Variants in ANK3 observed in about 807,000 individuals in gnomAD.
The protein encoded by ANK3 is ankyrin-3.
ANK3 carries 57 observed loss-of-function variants against 370.9 expected under a neutral mutation model. The ratio of observed to expected loss-of-function variants is 0.15; its 90% CI spans 0.12 to 0.19. The LOEUF is 0.19. Ranked by LOEUF, ANK3 falls within the 10% of genes least tolerant of loss-of-function variation. ANK3 has a pLI of 1.00. For missense variants in ANK3, 4,439 were observed against 5,302.1 expected, an observed-to-expected ratio of 0.84 and a Z score of 5.06; for synonymous variants, 1,929 against 1,946.3, an observed-to-expected ratio of 0.99 and a Z score of 0.23.
chr10:60,454,780 G>A (rs2064704527), intron 2 of ANK3, among the ~76,000 whole-genome samples: 1 of 152,112 alleles, frequency 6.6e-6, no homozygotes, highest in Non-Finnish European at 1.5e-5. Flanking sequence ...GGCTTGAAGC[G>A]CTAATTGAAT....
chr10:60,118,370 C>T (rs2093251156), intron 25 of ANK3, among the ~76,000 whole-genome samples: 1 of 152,146 alleles, frequency 6.6e-6, no homozygotes, highest in South Asian at 2.1e-4. Flanking sequence ...AAAATGCAAA[C>T]ATGAATGAGG....
chr10:60,106,205 C>T (rs2092144067), intron 27 of ANK3, 146 bp from the exon 28 acceptor site: 4 of 718,252 alleles, frequency 5.6e-6, no homozygotes, highest in Non-Finnish European at 8.6e-6. Context: ...GAATCATTTG[C>T]TAATTAAAGA....
In ANK3 at chr10:60,477,018, T is replaced by C. The variant is rs554342338; in HGVS notation, c.96+138168A>G. On this transcript the variant is annotated intron_variant, in intron 2 of 43. Coordinates refer to the ANK3 transcript ENST00000373827. Reference sequence around the variant, plus strand: ...GGAAAGAAAGCCTGCAAAAAAATCTTCTAGAACACCCACCAAAAAAGGTCA... The same window carrying C: ...GGAAAGAAAGCCTGCAAAAAAATCTCCTAGAACACCCACCAAAAAAGGTCA... Among the ~76,000 whole-genome samples, 63 of 152,236 alleles carry C rather than the reference T, an allele frequency of 4.1e-4. No homozygotes were observed. The Middle Eastern group carries it at 0.017, about 41-fold the overall frequency.
At chr10:60,281,367 T>C (rs968117494) in intron 1 of ANK3, among the ~76,000 whole-genome samples, 1 of 152,208 alleles carries the variant, frequency 6.6e-6, no homozygotes. Flanking sequence ...GTATCCCCCA[T>C]TTGTGATAAC....
At chr10:60,672,145 C>T (rs2079071188) in intron 1 of ANK3, among the ~76,000 whole-genome samples, 2 of 152,188 alleles carry the variant, frequency 1.3e-5, no homozygotes, top group Admixed American at 1.3e-4. Flanking sequence ...GGTCTCCAAC[C>T]CTGGTTTCTG....
At chr10:60,333,403 G>T (rs2051897777) in intron 1 of ANK3, among the ~76,000 whole-genome samples, 1 of 151,850 alleles carries the variant, frequency 6.6e-6, no homozygotes, top group African/African-American at 2.4e-5. Flanking sequence ...TGCTGTGTTT[G>T]TTTTTCTGTT....
intron 9 of ANK3, among the ~76,000 whole-genome samples, chr10:60,211,892 C>CAAAAAA (rs72238553): frequency 1.1e-5 from 1 of 93,400 alleles, no homozygotes. Context: ...AATACAGAGC[C>CAAAAAA]AAAAAAAAAA....
intron 41 of ANK3, among the ~76,000 whole-genome samples, chr10:60,058,352 TGAC>T (rs1001638940): frequency 1.1e-4 from 17 of 149,458 alleles, no homozygotes; most frequent in African/African-American, 4.1e-4. Flanking sequence ...ACCAAATTCA[TGAC>T]CAGGAAATTA....
At chr10:60,399,118 A>G (rs1319117973) in intron 2 of ANK3, among the ~76,000 whole-genome samples, 1 of 152,204 alleles carries the variant, frequency 6.6e-6, no homozygotes, top group African/African-American at 2.4e-5. Flanking sequence ...GAGAAAATGC[A>G]TAATCTTTTT....
At chr10:60,427,157 C>T (rs536592143) in intron 2 of ANK3, among the ~76,000 whole-genome samples, 1 of 152,200 alleles carries the variant, frequency 6.6e-6, no homozygotes, top group East Asian at 1.9e-4. Flanking sequence ...ACCCAACATT[C>T]CAATTTAGGT....
intron 2 of ANK3, among the ~76,000 whole-genome samples, chr10:60,429,499 A>T (rs2063966237): frequency 6.6e-6 from 1 of 152,230 alleles, no homozygotes; most frequent in South Asian, 2.1e-4. Context: ...TTAAGAGTTT[A>T]TTTTTGTAGG....
intron 2 of ANK3, among the ~76,000 whole-genome samples, chr10:60,562,797 T>A (rs912288811): frequency 7.2e-5 from 11 of 152,078 alleles, no homozygotes; most frequent in Non-Finnish European, 1.5e-4. Context: ...TTAAAAAAAA[T>A]TAAAGTGCAT....
At chr10:60,378,106 C>G (rs891927320) in intron 1 of ANK3, among the ~76,000 whole-genome samples, 5 of 152,102 alleles carry the variant, frequency 3.3e-5, no homozygotes, top group Admixed American at 3.3e-4. Flanking sequence ...GAAAACAATC[C>G]CCATCACTTC....
At position 60,027,715 on chromosome 10, in the gene ANK3, T is replaced by C. The variant is rs1436218203; in HGVS notation, c.*2131A>G. 1.3e-5 allele frequency: 2 copies of C among 152,222 alleles called. No homozygotes were observed. The highest frequency in any genetic ancestry group is 2.1e-4 in the South Asian group (1 of 4,834). The allele number at this position is 152,222 out of a possible 1,614,324, so 9.4% of individuals were successfully genotyped here. A position where few individuals can be genotyped will look rare whatever the true frequency, so the allele number is the denominator to read the frequency against. On this transcript the variant is annotated 3_prime_UTR_variant, in exon 44 of 44. Transcript: ENST00000280772. ...GTGATGATGATCACAGTTACTACTA[T>C]CACTACTACCATATGCTAAGCTGGT...
intron 1 of ANK3, among the ~76,000 whole-genome samples, chr10:60,618,199 C>T (rs1464663059): frequency 6.6e-6 from 1 of 152,110 alleles, no homozygotes; most frequent in Non-Finnish European, 1.5e-5. Context: ...CCATTGCAAC[C>T]ATGCCACCAT....
chr10:60,212,998 T>C (rs1404395078), intron 9 of ANK3, among the ~76,000 whole-genome samples: 1 of 152,148 alleles, frequency 6.6e-6, no homozygotes, highest in Admixed American at 6.5e-5. Flanking sequence ...TTCCAGTCTT[T>C]ATCAGCTAAG....
Position 60,059,893 on chromosome 10 carries a change from G to A in ANK3, c.12596-463C>T, listed in dbSNP as rs2080004898. 3.7e-6 allele frequency: 6 copies of A among 1,614,204 alleles called. No homozygotes were observed. In the East Asian group the frequency reaches 1.3e-4, roughly 36 times the overall value. On this transcript the variant is annotated intron_variant, in intron 40 of 43. Transcript: ENST00000280772. The stretch of plus-strand genomic sequence containing the variant: ...TCACTCAGTCTACTAGGGGTTCTAA[G>A]GGGAGATTCTATGCTAGAGATATCA...
intron 2 of ANK3, among the ~76,000 whole-genome samples, chr10:60,553,173 C>T (rs775601556): frequency 4.6e-5 from 7 of 152,106 alleles, no homozygotes; most frequent in Admixed American, 1.3e-4. Context: ...TTCCCTAATA[C>T]GGGGAGGTGC....
rs2133412889 is a variant in ANK3, at chr10:60,697,647, A to G, written c.57+35616T>C. Among the ~76,000 whole-genome samples the G allele has an allele frequency of 1.4e-5, 2 of 147,682 alleles. 1 individual carries two copies. The highest frequency in any genetic ancestry group is 4.5e-4 in the South Asian group (2 of 4,402). ...TTGACAAACCTGAGAAAAACAAGCA[A>G]TGGGGAAAGGATTCCCTATTTAATA... On this transcript the variant is annotated intron_variant, in intron 1 of 43. Transcript: ENST00000373827.
Sources: gnomAD v4.1 joint callset for allele counts (sites outside exome capture counted in the v4.1 genomes callset) on GRCh38, gnomAD v4.1.1 for gene constraint, MANE v1.5 for transcripts, NCBI Gene and HGNC (gene_info 2026-07-23, HGNC 2026-07-21) for gene names.